Variants in GALNT13 observed in about 807,000 individuals in gnomAD.
GALNT13 encodes the protein UDP-GalNAc:polypeptide N-acetylgalactosaminyltransferase 13.
GALNT13 carries 28 observed loss-of-function variants against 64.2 expected under a neutral mutation model. The observed-to-expected ratio is 0.44, with a 90% CI of 0.32 to 0.60. The LOEUF is 0.60. Among genes scored for constraint, GALNT13 ranks in the 20% least tolerant of loss-of-function variants. The pLI is 0.05. For synonymous variants in GALNT13, 214 were observed against 224.6 expected (o/e 0.95, Z 0.42); for missense variants, 577 against 669.8 (o/e 0.86, Z 1.53).
At chr2:153,429,101 C>T in the GALNT13 span, among the ~76,000 whole-genome samples, 1 of 152,116 alleles carries the variant, frequency 6.6e-6, no homozygotes, top group African/African-American at 2.4e-5. Flanking sequence ...TTCCTGGCAT[C>T]CATGTTATCA....
At chr2:153,114,016 T>A in the GALNT13 span, among the ~76,000 whole-genome samples, 1 of 152,034 alleles carries the variant, frequency 6.6e-6, no homozygotes, top group Non-Finnish European at 1.5e-5. Context: ...TACCAGCCAT[T>A]TAGTTGCCCA....
At chr2:154,407,091 T>C (rs1699580768) in intron 10 of GALNT13, among the ~76,000 whole-genome samples, 1 of 152,138 alleles carries the variant, frequency 6.6e-6, no homozygotes, top group Non-Finnish European at 1.5e-5. Context: ...AATATGGCTT[T>C]GAATTTTCTG....
chr2:153,626,607 G>T, the GALNT13 span, among the ~76,000 whole-genome samples: 12 of 152,126 alleles, frequency 7.9e-5, no homozygotes, highest in African/African-American at 2.6e-4. Context: ...GAATTGAACT[G>T]GACTTACAAT....
chr2:153,257,629 G>T, the GALNT13 span, among the ~76,000 whole-genome samples: 2 of 152,120 alleles, frequency 1.3e-5, no homozygotes. Flanking sequence ...TCAGAGCCAA[G>T]AAATCTTTTT....
intron 9 of GALNT13, among the ~76,000 whole-genome samples, chr2:154,353,367 T>C (rs781739085): frequency 6.6e-6 from 1 of 152,150 alleles, no homozygotes; most frequent in Non-Finnish European, 1.5e-5. Flanking sequence ...AGTAAAATGG[T>C]TATTACAGTG....
At chr2:153,730,731 CA>C in the GALNT13 span, among the ~76,000 whole-genome samples, 1 of 151,490 alleles carries the variant, frequency 6.6e-6, no homozygotes, top group Non-Finnish European at 1.5e-5. Context: ...AAAAAGTTGG[CA>C]AAAAACATAA....
chr2:153,893,423 A>G (rs1574059721), intron 1 of GALNT13, among the ~76,000 whole-genome samples: 1 of 151,988 alleles, frequency 6.6e-6, no homozygotes, highest in Non-Finnish European at 1.5e-5. Context: ...CATGATATGT[A>G]TTTTTTGTGG....
the GALNT13 span, among the ~76,000 whole-genome samples, chr2:153,208,409 T>G: frequency 6.6e-6 from 1 of 152,168 alleles, no homozygotes; most frequent in African/African-American, 2.4e-5. Flanking sequence ...TTAGAGTATT[T>G]TTGTTGCCTT....
At chr2:153,694,590 G>A in the GALNT13 span, among the ~76,000 whole-genome samples, 2 of 152,090 alleles carry the variant, frequency 1.3e-5, no homozygotes, top group Non-Finnish European at 2.9e-5. Context: ...TCAGAATAGT[G>A]TTTACCTTTG....
At chr2:154,055,578 T>C (rs1012572907) in intron 3 of GALNT13, among the ~76,000 whole-genome samples, 3 of 152,088 alleles carry the variant, frequency 2.0e-5, no homozygotes, top group African/African-American at 7.2e-5. Flanking sequence ...GAAAGTATCC[T>C]ACAGCTATAA....
At chr2:153,078,838 G>T in the GALNT13 span, among the ~76,000 whole-genome samples, 1 of 151,956 alleles carries the variant, frequency 6.6e-6, no homozygotes. Flanking sequence ...TGATTTTTCT[G>T]AGTCTTTGGA....
the GALNT13 span, among the ~76,000 whole-genome samples, chr2:153,572,725 C>T: frequency 6.6e-6 from 1 of 151,780 alleles, no homozygotes; most frequent in Non-Finnish European, 1.5e-5. Flanking sequence ...AGCATATTGT[C>T]TAATTTCTAT....
intron 8 of GALNT13, among the ~76,000 whole-genome samples, chr2:154,280,917 A>G (rs1213757288): frequency 6.6e-6 from 1 of 152,216 alleles, no homozygotes; most frequent in African/African-American, 2.4e-5. Context: ...TTTCAAATTT[A>G]CATCCACATA....
the GALNT13 span, among the ~76,000 whole-genome samples, chr2:153,814,349 A>G: frequency 6.6e-6 from 1 of 152,174 alleles, no homozygotes; most frequent in Non-Finnish European, 1.5e-5. Context: ...CTGAGGCAGG[A>G]GAATGGCGTG....
the GALNT13 span, among the ~76,000 whole-genome samples, chr2:153,110,538 G>C: frequency 6.6e-6 from 1 of 152,080 alleles, no homozygotes; most frequent in Non-Finnish European, 1.5e-5. Flanking sequence ...TAAAGGAAAG[G>C]CCTTTGGACT....
the GALNT13 span, among the ~76,000 whole-genome samples, chr2:153,565,014 TAAC>T: frequency 6.6e-6 from 1 of 152,110 alleles, no homozygotes; most frequent in African/African-American, 2.4e-5. Context: ...TGCATTCTTC[TAAC>T]AAGCTGAATG....
intron 3 of GALNT13, among the ~76,000 whole-genome samples, chr2:154,134,017 A>G (rs1206037653): frequency 1.3e-5 from 2 of 152,084 alleles, no homozygotes; most frequent in Non-Finnish European, 2.9e-5. Flanking sequence ...TTGCTACAGC[A>G]GGGGAAAGTA....
the GALNT13 span, among the ~76,000 whole-genome samples, chr2:153,147,742 G>T: frequency 3.3e-5 from 5 of 151,760 alleles, no homozygotes; most frequent in African/African-American, 1.2e-4. Context: ...GATTGCCCTT[G>T]TTTGGTTGAA....
At chr2:153,469,422 A>G in the GALNT13 span, among the ~76,000 whole-genome samples, 4,874 of 152,214 alleles carry the variant, frequency 0.032, 103 homozygotes, top group Middle Eastern at 0.071. Flanking sequence ...GAAGTCCACT[A>G]ATGCAAGTCT....
Sources: allele counts gnomAD v4.1 joint callset (sites outside exome capture counted in the v4.1 genomes callset), GRCh38; gene constraint gnomAD v4.1.1; transcripts MANE v1.5; gene names NCBI Gene and HGNC (gene_info 2026-07-23, HGNC 2026-07-21).